Variants in KIF16B observed in about 807,000 individuals in gnomAD.
The protein encoded by KIF16B is kinesin family member 16B.
Under a neutral mutation model 156.3 loss-of-function variants are expected in KIF16B, and 98 were observed. The ratio of observed to expected loss-of-function variants is 0.63; its 90% CI spans 0.53 to 0.74. KIF16B has a LOEUF of 0.74. KIF16B is among the 30% of genes least tolerant of loss of function. The pLI, the probability that KIF16B is intolerant of heterozygous loss-of-function variation, is 0.00. For missense variants in KIF16B, 1,421 were observed against 1,606.5 expected, an observed-to-expected ratio of 0.88 and a Z score of 1.97; for synonymous variants, 564 against 583.7, an observed-to-expected ratio of 0.97 and a Z score of 0.49.
At chr20:16,391,720 G>A (rs2065370629) in intron 17 of KIF16B, among the ~76,000 whole-genome samples, 1 of 152,164 alleles carries the variant, frequency 6.6e-6, no homozygotes, top group South Asian at 2.1e-4. Flanking sequence ...AACCAAGGGA[G>A]GGTGGCCACA....
Position 16,308,262 on chromosome 20 carries a change from G to A in KIF16B, c.3795+4073C>T, listed in dbSNP as rs573722055. On this transcript the variant is annotated intron_variant, in intron 25 of 25. Transcript: ENST00000354981. Reference sequence around the variant, plus strand: ...TCGTTACTGCCATGGTTAGTTAAGAGATGAGGAAAGGGGCTTGTGTTATTA... The same window carrying A: ...TCGTTACTGCCATGGTTAGTTAAGAAATGAGGAAAGGGGCTTGTGTTATTA... Among the ~76,000 whole-genome samples the A allele has an allele frequency of 2.6e-5, 4 of 152,336 alleles. 1 individual carries two copies. The East Asian group carries it at 7.7e-4, about 29-fold the overall frequency.
chr20:16,565,201 T>A (rs2071208751), intron 1 of KIF16B, among the ~76,000 whole-genome samples: 1 of 152,324 alleles, frequency 6.6e-6, no homozygotes, highest in Admixed American at 6.5e-5. Context: ...GCTTAAAAAA[T>A]TACTGAGGAG....
intron 14 of KIF16B, 49 bp downstream of exon 14, chr20:16,428,904 T>A (rs773959389): frequency 6.6e-7 from 1 of 1,521,024 alleles, no homozygotes; most frequent in South Asian, 1.1e-5. Context: ...CTTCCTTGAA[T>A]ACAACCTTAA....
At chr20:16,352,192 G>A (rs2123114150) in intron 23 of KIF16B, among the ~76,000 whole-genome samples, 1 of 152,322 alleles carries the variant, frequency 6.6e-6, no homozygotes, top group South Asian at 2.1e-4. Context: ...CAGAGGGCTA[G>A]TTACACGGGT....
At chr20:16,464,935 G>A (rs1196591600) in intron 12 of KIF16B, among the ~76,000 whole-genome samples, 1 of 151,974 alleles carries the variant, frequency 6.6e-6, no homozygotes, top group African/African-American at 2.4e-5. Context: ...GATCAGATGG[G>A]GTGAACTTTG....
intron 12 of KIF16B, among the ~76,000 whole-genome samples, chr20:16,480,326 A>G (rs1324838270): frequency 1.3e-5 from 2 of 152,158 alleles, no homozygotes; most frequent in Non-Finnish European, 2.9e-5. Context: ...CTCCTAAGGA[A>G]GAATCCGAGT....
intron 12 of KIF16B, among the ~76,000 whole-genome samples, chr20:16,464,071 A>G (rs2067421359): frequency 6.6e-6 from 1 of 152,168 alleles, no homozygotes. Flanking sequence ...ATTTTGTTAA[A>G]TGACATTTCT....
intron 24 of KIF16B, among the ~76,000 whole-genome samples, chr20:16,312,981 T>A (rs2122715612): frequency 6.6e-6 from 1 of 152,292 alleles, no homozygotes; most frequent in South Asian, 2.1e-4. Flanking sequence ...CTTTTCACCT[T>A]GTTTCCTAAA....
chr20:16,478,571 C>A (rs1178995640), intron 12 of KIF16B, among the ~76,000 whole-genome samples: 1 of 152,136 alleles, frequency 6.6e-6, no homozygotes, highest in Non-Finnish European at 1.5e-5. Context: ...ACTCTCTCAC[C>A]TTCTCGCCCA....
At chr20:16,354,633 T>C (rs1365140425) in intron 23 of KIF16B, among the ~76,000 whole-genome samples, 4 of 152,038 alleles carry the variant, frequency 2.6e-5, no homozygotes, top group African/African-American at 4.8e-5. Flanking sequence ...ACCCACATAA[T>C]TGGATAAGCA....
intron 12 of KIF16B, among the ~76,000 whole-genome samples, chr20:16,474,748 C>T (rs760523272): frequency 6.6e-6 from 1 of 152,158 alleles, no homozygotes; most frequent in Admixed American, 6.5e-5. Context: ...TCAGCTCTGG[C>T]AACTATGTAC....
chr20:16,285,761 T>C (rs570046107), intron 25 of KIF16B, among the ~76,000 whole-genome samples: 24 of 152,256 alleles, frequency 1.6e-4, no homozygotes, highest in Admixed American at 5.2e-4. Context: ...AGGCTGCAGT[T>C]GAGCCATGAT....
intron 1 of KIF16B, among the ~76,000 whole-genome samples, chr20:16,568,989 G>A (rs1568701027): frequency 6.6e-6 from 1 of 152,100 alleles, no homozygotes; most frequent in Non-Finnish European, 1.5e-5. Context: ...TTAAGAGGTA[G>A]GGCCTTTGGG....
chr20:16,558,614 G>A (rs561320595), intron 1 of KIF16B, among the ~76,000 whole-genome samples: 1 of 152,222 alleles, frequency 6.6e-6, no homozygotes, highest in African/African-American at 2.4e-5. Flanking sequence ...ACGAAAATGT[G>A]GGGGTAGGGT....
chr20:16,280,780 T>C (rs1170199706), intron 25 of KIF16B, among the ~76,000 whole-genome samples: 1 of 152,104 alleles, frequency 6.6e-6, no homozygotes, highest in African/African-American at 2.4e-5. Context: ...GGGCTGTCCA[T>C]ACTATGCACA....
chr20:16,366,483 A>T (rs2064669773), intron 22 of KIF16B, among the ~76,000 whole-genome samples: 1 of 152,176 alleles, frequency 6.6e-6, no homozygotes, highest in Admixed American at 6.5e-5. Context: ...AATAGCCACA[A>T]ATACACCAAG....
intron 23 of KIF16B, among the ~76,000 whole-genome samples, chr20:16,337,328 G>C (rs1249579855): frequency 6.6e-6 from 1 of 152,170 alleles, no homozygotes; most frequent in Admixed American, 6.5e-5. Context: ...AGAAGACACA[G>C]GTGGGCAGCT....
At chr20:16,569,753 C>A (rs2071389896) in intron 1 of KIF16B, among the ~76,000 whole-genome samples, 1 of 152,176 alleles carries the variant, frequency 6.6e-6, no homozygotes, top group Non-Finnish European at 1.5e-5. Flanking sequence ...TTCTCCAGTG[C>A]CAATGAATTT....
At chr20:16,344,512 C>T (rs1307811112) in intron 23 of KIF16B, among the ~76,000 whole-genome samples, 1 of 152,178 alleles carries the variant, frequency 6.6e-6, no homozygotes, top group Non-Finnish European at 1.5e-5. Context: ...ATTACAGAGG[C>T]CGGACTCCAG....
Sources: gnomAD v4.1 joint callset for allele counts (sites outside exome capture counted in the v4.1 genomes callset) on GRCh38, gnomAD v4.1.1 for gene constraint, MANE v1.5 for transcripts, NCBI Gene and HGNC (gene_info 2026-07-23, HGNC 2026-07-21) for gene names.